Variants in CFAP299 observed in about 807,000 individuals in gnomAD.
CFAP299 encodes cilia and flagella associated protein 299.
Under a neutral mutation model 27.0 loss-of-function variants are expected in CFAP299, and 21 were observed. The observed-to-expected ratio is 0.78, with a 90% CI of 0.55 to 1.12. CFAP299 has a LOEUF of 1.12. Among genes scored for constraint, CFAP299 ranks in the 50% most tolerant of loss-of-function variants. The pLI is 0.00. For synonymous variants in CFAP299, 104 were observed against 98.1 expected, an observed-to-expected ratio of 1.06 and a Z score of -0.36; for missense variants, 310 against 276.6, an observed-to-expected ratio of 1.12 and a Z score of -0.86.
chr4:80,447,130 GTTTTTTTTTTT>G (rs1553923883), intron 2 of CFAP299, among the ~76,000 whole-genome samples: 2 of 105,320 alleles, frequency 1.9e-5, no homozygotes, highest in African/African-American at 8.8e-5. Flanking sequence ...TTTTTTTTTT[GTTTTTTTTTTT>G]TTTTTTTTTT....
chr4:80,364,536 C>T (rs1372940103), intron 2 of CFAP299, among the ~76,000 whole-genome samples: 1 of 152,092 alleles, frequency 6.6e-6, no homozygotes, highest in East Asian at 1.9e-4. Flanking sequence ...AGGATAATCT[C>T]CCTGTTTTAA....
chr4:80,808,584 A>T (rs1424687219), intron 3 of CFAP299, among the ~76,000 whole-genome samples: 1 of 152,090 alleles, frequency 6.6e-6, no homozygotes, highest in Non-Finnish European at 1.5e-5. Context: ...TATATGTTAC[A>T]TGGTGAGTCA....
At chr4:80,769,856 A>C (rs1321155209) in intron 3 of CFAP299, among the ~76,000 whole-genome samples, 1 of 152,200 alleles carries the variant, frequency 6.6e-6, no homozygotes, top group East Asian at 1.9e-4. Flanking sequence ...TACTATTGGC[A>C]TAATTCATTT....
intron 3 of CFAP299, among the ~76,000 whole-genome samples, chr4:80,745,754 A>T (rs1371921746): frequency 1.3e-5 from 2 of 151,924 alleles, no homozygotes; most frequent in African/African-American, 4.8e-5. Context: ...CTCTTCCCGG[A>T]TCCCATCCAG....
At chr4:80,752,668 T>G (rs1471505485) in intron 3 of CFAP299, among the ~76,000 whole-genome samples, 1 of 151,730 alleles carries the variant, frequency 6.6e-6, no homozygotes, top group Non-Finnish European at 1.5e-5. Context: ...TGGCAAAATC[T>G]GTGACCTTAC....
At chr4:80,666,118 T>G (rs575909092) in intron 3 of CFAP299, among the ~76,000 whole-genome samples, 62 of 152,190 alleles carry the variant, frequency 4.1e-4, no homozygotes, top group Non-Finnish European at 1.6e-4. Flanking sequence ...TTTCCAAAAT[T>G]TACCTTAATA....
intron 2 of CFAP299, among the ~76,000 whole-genome samples, chr4:80,498,748 TAC>T (rs1731584133): frequency 6.6e-6 from 1 of 152,114 alleles, no homozygotes; most frequent in Non-Finnish European, 1.5e-5. Context: ...ACAGGGGATA[TAC>T]CCAAAGGAAT....
intron 3 of CFAP299, among the ~76,000 whole-genome samples, chr4:80,839,500 CT>C (rs1315615192): frequency 6.6e-6 from 1 of 152,102 alleles, no homozygotes; most frequent in African/African-American, 2.4e-5. Flanking sequence ...TCCCTCAAGA[CT>C]TTACTGGCAG....
chr4:80,373,659 G>C (rs568113370), intron 2 of CFAP299, among the ~76,000 whole-genome samples: 14 of 152,178 alleles, frequency 9.2e-5, no homozygotes, highest in South Asian at 4.2e-4. Flanking sequence ...CAGTGCCCTT[G>C]GTGGTCATTG....
At chr4:80,453,394 A>C (rs2110098666) in intron 2 of CFAP299, among the ~76,000 whole-genome samples, 1 of 152,146 alleles carries the variant, frequency 6.6e-6, no homozygotes, top group East Asian at 1.9e-4. Flanking sequence ...TCATTCTTTT[A>C]TTTCTTCTTA....
intron 3 of CFAP299, among the ~76,000 whole-genome samples, chr4:80,592,036 G>A (rs1302494459): frequency 2.0e-5 from 3 of 152,114 alleles, no homozygotes; most frequent in Non-Finnish European, 2.9e-5. Flanking sequence ...AACTAAGAAA[G>A]CTATTATTTC....
chr4:80,814,614 G>A (rs936720482), intron 3 of CFAP299, among the ~76,000 whole-genome samples: 4 of 151,806 alleles, frequency 2.6e-5, no homozygotes, highest in African/African-American at 9.7e-5. Context: ...TTTGTACTCT[G>A]AGTATGTGAT....
At chr4:80,675,669 C>G (rs993816357) in intron 3 of CFAP299, among the ~76,000 whole-genome samples, 1 of 152,230 alleles carries the variant, frequency 6.6e-6, no homozygotes, top group African/African-American at 2.4e-5. Flanking sequence ...GGCAGCAGGT[C>G]TTGCAGAGCT....
chr4:80,403,146 C>T (rs537878235), intron 2 of CFAP299, among the ~76,000 whole-genome samples: 27 of 152,206 alleles, frequency 1.8e-4, no homozygotes, highest in South Asian at 2.1e-4. Flanking sequence ...ATTTGGATAG[C>T]GATAACAAAC....
At chr4:80,375,045 C>T (rs546328478) in intron 2 of CFAP299, among the ~76,000 whole-genome samples, 1 of 152,192 alleles carries the variant, frequency 6.6e-6, no homozygotes, top group Non-Finnish European at 1.5e-5. Context: ...GCTAGAGTGG[C>T]TCCAAGAAAC....
At chr4:80,882,729 C>T (rs1421249242) in intron 4 of CFAP299, among the ~76,000 whole-genome samples, 3 of 151,414 alleles carry the variant, frequency 2.0e-5, no homozygotes, top group Non-Finnish European at 2.9e-5. Context: ...TACCTCTCAG[C>T]AGAAACTTTG....
chr4:80,808,351 A>G (rs17004993), intron 3 of CFAP299, among the ~76,000 whole-genome samples: 2,821 of 152,232 alleles, frequency 0.019, 49 homozygotes, highest in African/African-American at 0.052. Flanking sequence ...GAAGATTTAC[A>G]TGCAAAATGG....
intron 3 of CFAP299, among the ~76,000 whole-genome samples, chr4:80,851,438 G>T (rs1347984352): frequency 6.6e-6 from 1 of 152,062 alleles, no homozygotes; most frequent in East Asian, 1.9e-4. Flanking sequence ...AAGACACTAT[G>T]CATTTCATTA....
intron 3 of CFAP299, among the ~76,000 whole-genome samples, chr4:80,654,784 CTTTTTTTTT>C (rs369680550): frequency 7.9e-6 from 1 of 126,814 alleles, no homozygotes. Flanking sequence ...TAATTTTTAA[CTTTTTTTTT>C]TTTTTTTTTT....
Sources: allele counts gnomAD v4.1 joint callset (sites outside exome capture counted in the v4.1 genomes callset), GRCh38; gene constraint gnomAD v4.1.1; transcripts MANE v1.5; gene names NCBI Gene and HGNC (gene_info 2026-07-23, HGNC 2026-07-21).